PDE1C: variants seen among roughly 807,000 people sequenced by gnomAD.
PDE1C encodes the protein dual specificity calcium/calmodulin-dependent 3',5'-cyclic nucleotide phosphodiesterase 1C.
A neutral mutation model predicts 93.1 loss-of-function variants in PDE1C; 62 were observed. The ratio of observed to expected loss-of-function variants is 0.67; its 90% CI spans 0.54 to 0.82. The LOEUF is 0.82. PDE1C is among the 40% of genes least tolerant of loss of function. The probability of loss-of-function intolerance (pLI) is 0.00; values close to 1 mark genes in which losing one functional copy is unlikely to be tolerated. For missense variants in PDE1C, 742 were observed against 884.6 expected, an observed-to-expected ratio of 0.84 and a Z score of 2.04; for synonymous variants, 325 against 310.1, an observed-to-expected ratio of 1.05 and a Z score of -0.50.
intron 1 of PDE1C, among the ~76,000 whole-genome samples, chr7:32,410,340 A>AAG (rs1785141780): frequency 6.7e-6 from 1 of 149,384 alleles, no homozygotes; most frequent in Non-Finnish European, 1.5e-5. Context: ...TCTGAATTTA[A>AAG]AAGAAGAGGA....
chr7:32,355,761 T>A (rs1784018880), intron 1 of PDE1C, among the ~76,000 whole-genome samples: 1 of 152,216 alleles, frequency 6.6e-6, no homozygotes, highest in Non-Finnish European at 1.5e-5. Context: ...CTCCCTGGTT[T>A]GTCCCAGAGC....
At chr7:31,726,734 A>G in the PDE1C span, among the ~76,000 whole-genome samples, 1 of 152,214 alleles carries the variant, frequency 6.6e-6, no homozygotes, top group Non-Finnish European at 1.5e-5. Flanking sequence ...CCTCCTAGGT[A>G]AGATTTATTA....
the PDE1C span, chr7:31,707,724 T>C: frequency 6.1e-6 from 1 of 163,102 alleles, no homozygotes; most frequent in Non-Finnish European, 1.3e-5. Flanking sequence ...GGTGAGAATG[T>C]TTGGACTCTA....
chr7:31,619,330 G>A, the PDE1C span, among the ~76,000 whole-genome samples: 5 of 152,162 alleles, frequency 3.3e-5, no homozygotes, highest in African/African-American at 1.2e-4. Flanking sequence ...TATTCTAGGT[G>A]CCAACAATGA....
intron 1 of PDE1C, among the ~76,000 whole-genome samples, chr7:32,263,912 A>G (rs1288431152): frequency 6.6e-6 from 1 of 152,228 alleles, no homozygotes; most frequent in Non-Finnish European, 1.5e-5. Flanking sequence ...TCAGTCTCTC[A>G]TAAGTAATTC....
the PDE1C span, chr7:31,651,250 G>A: frequency 6.2e-7 from 1 of 1,613,338 alleles, no homozygotes; most frequent in South Asian, 1.1e-5. Flanking sequence ...CTTTTCCAGG[G>A]ACATGTCAGA....
intron 13 of PDE1C, 85 bp downstream of exon 13, chr7:31,824,782 T>TACC (rs760667670): frequency 5.1e-5 from 79 of 1,538,960 alleles, no homozygotes; most frequent in Admixed American, 7.2e-5. Context: ...CATTATGAAA[T>TACC]ACCATCCCCA....
chr7:32,332,862 G>A (rs912077164), intron 1 of PDE1C, among the ~76,000 whole-genome samples: 10 of 152,150 alleles, frequency 6.6e-5, no homozygotes, highest in African/African-American at 2.4e-4. Context: ...AAAGTCAGGA[G>A]AGTTATACTT....
chr7:31,896,262 G>A (rs1799315056), intron 2 of PDE1C, among the ~76,000 whole-genome samples: 1 of 152,094 alleles, frequency 6.6e-6, no homozygotes, highest in Non-Finnish European at 1.5e-5. Flanking sequence ...GTCTGCCCCA[G>A]GACCAAAGGG....
At chr7:31,885,445 A>G (rs564304515) in intron 2 of PDE1C, among the ~76,000 whole-genome samples, 2 of 152,314 alleles carry the variant, frequency 1.3e-5, no homozygotes, top group Admixed American at 1.3e-4. Flanking sequence ...GCATCTTTTC[A>G]TGACTCTTGC....
At chr7:31,964,699 C>G (rs938743349) in intron 2 of PDE1C, among the ~76,000 whole-genome samples, 1 of 152,210 alleles carries the variant, frequency 6.6e-6, no homozygotes, top group Non-Finnish European at 1.5e-5. Context: ...AACTGGGAGG[C>G]AACCCCCCAA....
chr7:31,995,206 T>C (rs1266734368), intron 2 of PDE1C, among the ~76,000 whole-genome samples: 1 of 152,142 alleles, frequency 6.6e-6, no homozygotes. Flanking sequence ...CCTTTAACTA[T>C]AGGTGTAGCT....
At chr7:31,746,678 A>G (rs921827615), downstream of PDE1C, among the ~76,000 whole-genome samples, 4 of 152,232 alleles carry the variant, frequency 2.6e-5, no homozygotes, top group African/African-American at 9.6e-5. Context: ...ACCAGTTTTA[A>G]ACATGAGAAC....
intron 1 of PDE1C, among the ~76,000 whole-genome samples, chr7:32,059,502 T>C (rs1462518835): frequency 1.3e-5 from 2 of 152,148 alleles, no homozygotes; most frequent in East Asian, 1.9e-4. Flanking sequence ...CACTCTTCAC[T>C]GATCTCCCTC....
At chr7:31,648,704 T>C in the PDE1C span, among the ~76,000 whole-genome samples, 1 of 152,196 alleles carries the variant, frequency 6.6e-6, no homozygotes, top group Non-Finnish European at 1.5e-5. Flanking sequence ...CCCCAGAACT[T>C]TGAAGTGAAT....
chr7:31,937,195 T>C (rs986761250), intron 2 of PDE1C, among the ~76,000 whole-genome samples: 1 of 152,046 alleles, frequency 6.6e-6, no homozygotes, highest in Non-Finnish European at 1.5e-5. Flanking sequence ...TTAAAAGACA[T>C]CAGACTCTGG....
the PDE1C span, among the ~76,000 whole-genome samples, chr7:31,705,756 G>T: frequency 6.6e-6 from 1 of 152,024 alleles, no homozygotes; most frequent in Admixed American, 6.6e-5. Context: ...GTCTCATTAT[G>T]AGAAGGAAGG....
Position 31,823,972 on chromosome 7 carries a change from G to A in PDE1C, c.1407-724C>T, listed in dbSNP as rs534942832. Among the ~76,000 whole-genome samples the A allele has an allele frequency of 2.0e-5, 3 of 152,192 alleles. No homozygotes were observed. In the East Asian group the frequency reaches 5.8e-4, roughly 29 times the overall value. On this transcript the variant is annotated intron_variant, in intron 13 of 17. Transcript: ENST00000396191. ...TTTCAGTCACTGCCTGAAGAGCTGT[G>A]GGGCCATGGGGACTCTGGCAGGGGG...
the PDE1C span, among the ~76,000 whole-genome samples, chr7:31,667,770 T>C: frequency 6.6e-6 from 1 of 151,994 alleles, no homozygotes; most frequent in Non-Finnish European, 1.5e-5. Context: ...GGGTTGTAAG[T>C]TGAAACATGA....
Sources: gnomAD v4.1 joint callset for allele counts (sites outside exome capture counted in the v4.1 genomes callset) on GRCh38, gnomAD v4.1.1 for gene constraint, MANE v1.5 for transcripts, NCBI Gene and HGNC (gene_info 2026-07-23, HGNC 2026-07-21) for gene names.